Variants in VIT observed in about 807,000 individuals in gnomAD.
VIT encodes vitrin.
Under a neutral mutation model 78.0 loss-of-function variants are expected in VIT, and 99 were observed. The observed-to-expected ratio is 1.27, with a 90% CI of 1.08 to 1.50. The LOEUF is 1.50. Ranked by LOEUF, VIT falls within the 40% of genes most tolerant of loss-of-function variation. The pLI is 0.00. For missense variants in VIT, 1,126 were observed against 875.3 expected (o/e 1.29, Z -3.61); for synonymous variants, 374 against 334.3 (o/e 1.12, Z -1.29).
At chr2:36,810,210 G>C (rs1410951263) in intron 15 of VIT, among the ~76,000 whole-genome samples, 2 of 151,786 alleles carry the variant, frequency 1.3e-5, no homozygotes, top group Non-Finnish European at 2.9e-5. Context: ...AGAATTGCTT[G>C]AACCCCAGAG....
intron 3 of VIT, among the ~76,000 whole-genome samples, chr2:36,737,178 C>T (rs115841195): frequency 3.9e-5 from 6 of 152,142 alleles, no homozygotes; most frequent in Non-Finnish European, 8.8e-5. Flanking sequence ...TGAATTTTTA[C>T]AGGCAGAGGT....
In VIT at chr2:36,808,843, C is replaced by G. The variant is rs781062372; in HGVS notation, c.1761C>G (p.Thr587=). 6.2e-7 allele frequency: 1 copy of G among 1,614,182 alleles called. No individual in the cohort carries two copies. The highest frequency in any genetic ancestry group is 8.5e-7 in the Non-Finnish European group (1 of 1,180,030). Residue 587 remains threonine (T), a synonymous_variant, in exon 15 of 16, where the codon ACC becomes ACG. Coordinates refer to ENST00000379242, the MANE Select transcript of VIT (RefSeq NM_053276.4). ...IKRVGYWSGG[T]STGAAINFAL... ...GGGTGGGCTACTGGAGTGGTGGCAC[C>G]AGCACGGGGGCTGCCATCAACTTCG...
chr2:36,746,180 T>G lies in VIT; in HGVS notation c.275+2924T>G, dbSNP rs912706150. Among the ~76,000 whole-genome samples, 3 of 152,278 alleles carry G rather than the reference T, an allele frequency of 2.0e-5. No homozygotes were observed. The East Asian group carries it at 5.8e-4, about 29-fold the overall frequency. On this transcript the variant is annotated intron_variant, in intron 4 of 15. Transcript: ENST00000379242. ...CCTACTTGATTGCGGTGAATTAGCTTTTTGATGTGCTGCTGGATTTGGTTT... is the reference window on the plus strand; with the variant it reads ...CCTACTTGATTGCGGTGAATTAGCTGTTTGATGTGCTGCTGGATTTGGTTT...
chr2:36,803,365 G>T (rs1317462721), intron 13 of VIT, among the ~76,000 whole-genome samples: 1 of 152,202 alleles, frequency 6.6e-6, no homozygotes, highest in East Asian at 1.9e-4. Context: ...GGAAAATGTA[G>T]TTTTCTGATT....
chr2:36,793,874 A>C (rs899263717), intron 12 of VIT, among the ~76,000 whole-genome samples: 9 of 152,206 alleles, frequency 5.9e-5, no homozygotes, highest in African/African-American at 2.2e-4. Context: ...TTTAGGACTG[A>C]AAGGGCCTCA....
At chr2:36,723,375 A>C (rs531101983) in intron 2 of VIT, among the ~76,000 whole-genome samples, 17 of 152,210 alleles carry the variant, frequency 1.1e-4, no homozygotes, top group Non-Finnish European at 2.4e-4. Context: ...AAAGTTTTTA[A>C]GGCTCTTGAA....
At position 36,696,805 on chromosome 2, in the gene VIT, G is replaced by A; in HGVS notation, c.-187G>A. ...AAAGTACTGAGAGGTTGATGGGACTGTTCGATTAGCTCCTCTGAGAAGAAG... is the reference window on the plus strand; with the variant it reads ...AAAGTACTGAGAGGTTGATGGGACTATTCGATTAGCTCCTCTGAGAAGAAG... On this transcript the variant is annotated 5_prime_UTR_variant, in exon 1 of 16. Transcript: ENST00000379242. The A allele has an allele frequency of 6.6e-6, 1 of 152,184 alleles. No homozygotes were observed. The highest frequency in any genetic ancestry group is 1.5e-5 in the Non-Finnish European group (1 of 68,002). 9.4% of individuals were successfully genotyped at this position (152,184 alleles called of 1,614,324 possible).
intron 6 of VIT, among the ~76,000 whole-genome samples, chr2:36,761,761 G>C (rs1405308391): frequency 6.6e-6 from 1 of 151,926 alleles, no homozygotes; most frequent in Non-Finnish European, 1.5e-5. Context: ...AAAAAGAAAG[G>C]AGTACTTGTG....
chr2:36,775,612 C>T (rs896194112), intron 9 of VIT, among the ~76,000 whole-genome samples: 1 of 152,170 alleles, frequency 6.6e-6, no homozygotes, highest in African/African-American at 2.4e-5. Flanking sequence ...GTTTCTTCTC[C>T]ATTCTCCTTT....
intron 12 of VIT, among the ~76,000 whole-genome samples, chr2:36,792,314 C>T (rs1665559534): frequency 2.0e-5 from 3 of 152,226 alleles, no homozygotes; most frequent in Non-Finnish European, 4.4e-5. Context: ...AGCCGCACTC[C>T]TCAGGAACAC....
At position 36,705,012 on chromosome 2, in the gene VIT, C is replaced by T. The variant is rs138016506; in HGVS notation, c.-19+8039C>T. Among the ~76,000 whole-genome samples, 231 of 152,264 alleles carry T rather than the reference C, an allele frequency of 1.5e-3. 1 individual carries two copies. Among genetic ancestry groups the T allele is most frequent in the Middle Eastern group, 6.8e-3 (2 of 292 alleles). ...CACCCAGCTCCAAATTCACAGTAGA[C>T]GGCCCTTTGGCAACTACAAACCTCA... On this transcript the variant is annotated intron_variant, in intron 1 of 15. Coordinates refer to ENST00000379242, the MANE Select transcript of VIT (RefSeq NM_053276.4).
intron 7 of VIT, 49 bp from the exon 8 acceptor site, chr2:36,773,739 AATT>A (rs1669893482): frequency 7.2e-7 from 1 of 1,392,646 alleles, no homozygotes; most frequent in African/African-American, 1.5e-5. Context: ...TAAATAAATT[AATT>A]AATTAATTAA....
chr2:36,814,106 G>A (rs974804539), intron 15 of VIT, 77 bp from the exon 16 acceptor site: 16 of 1,541,166 alleles, frequency 1.0e-5, no homozygotes, highest in Non-Finnish European at 1.4e-5. Flanking sequence ...TGTGCCAACA[G>A]GGCCACAAGA....
At chr2:36,722,674 G>C (rs765190332) in intron 2 of VIT, among the ~76,000 whole-genome samples, 43 of 152,202 alleles carry the variant, frequency 2.8e-4, no homozygotes, top group Non-Finnish European at 6.0e-4. Flanking sequence ...TTATGGGCTA[G>C]AATGAGGCAT....
intron 1 of VIT, among the ~76,000 whole-genome samples, chr2:36,706,365 G>A (rs1191470084): frequency 6.6e-6 from 1 of 152,186 alleles, no homozygotes; most frequent in African/African-American, 2.4e-5. Flanking sequence ...GCAGGAAACA[G>A]AAACCAACTT....
intron 6 of VIT, among the ~76,000 whole-genome samples, chr2:36,766,610 CTG>C (rs1189025600): frequency 6.6e-6 from 1 of 152,164 alleles, no homozygotes; most frequent in East Asian, 1.9e-4. Context: ...GATTAGGAAA[CTG>C]GGGCCCAGAA....
intron 12 of VIT, among the ~76,000 whole-genome samples, chr2:36,792,457 G>A (rs190086976): frequency 7.7e-4 from 113 of 146,592 alleles, no homozygotes; most frequent in African/African-American, 2.6e-3. Flanking sequence ...AAACGACTGC[G>A]CTTGACTTCC....
intron 2 of VIT, 69 bp from the exon 3 acceptor site, chr2:36,729,357 A>G: frequency 4.4e-6 from 6 of 1,371,430 alleles, no homozygotes; most frequent in Non-Finnish European, 5.0e-6. Flanking sequence ...CGAAGCAAGT[A>G]TGAGTCAAAA....
intron 4 of VIT, among the ~76,000 whole-genome samples, chr2:36,746,403 G>A (rs1188022328): frequency 1.3e-5 from 2 of 152,016 alleles, no homozygotes; most frequent in Admixed American, 6.5e-5. Context: ...GGTACTTCTG[G>A]TAGAATTTGG....
Sources: allele counts gnomAD v4.1 joint callset (sites outside exome capture counted in the v4.1 genomes callset), GRCh38; gene constraint gnomAD v4.1.1; transcripts MANE v1.5; gene names NCBI Gene and HGNC (gene_info 2026-07-23, HGNC 2026-07-21).